Variants in ZFR2 observed in about 807,000 individuals in gnomAD.
ZFR2 encodes the protein zinc finger RNA binding protein 2, also known as zinc finger RNA-binding protein 2.
Under a neutral mutation model 105.7 loss-of-function variants are expected in ZFR2, and 104 were observed. That is an observed-to-expected ratio of 0.98 (90% CI 0.84 to 1.16). The LOEUF (loss-of-function observed/expected upper bound fraction) is 1.16, where lower values mean the gene tolerates loss of function less well. ZFR2 is among the 50% of genes most tolerant of loss of function. The pLI is 0.00. For synonymous variants in ZFR2, 634 were observed against 597.7 expected (o/e 1.06, Z -0.89); for missense variants, 1,425 against 1,355.5 (o/e 1.05, Z -0.80).
chr19:3,834,700 A>G lies in ZFR2; in HGVS notation c.264+73T>C. 2 of 1,457,032 alleles carry G rather than the reference A, an allele frequency of 1.4e-6. No individual in the cohort carries two copies. Among genetic ancestry groups the G allele is most frequent in the Non-Finnish European group, 1.9e-6 (2 of 1,059,590 alleles). The allele number at this position is 1,457,032 out of a possible 1,614,324, so 90.3% of individuals were successfully genotyped here. A position where few individuals can be genotyped will look rare whatever the true frequency, so the allele number is the denominator to read the frequency against. ...GCCTGGGAGAAGGAGTAGCTGTGGGAAGCCCACCGCTCTCACCCATGCAAG... is the reference window on the plus strand; with the variant it reads ...GCCTGGGAGAAGGAGTAGCTGTGGGGAGCCCACCGCTCTCACCCATGCAAG... On this transcript the variant is annotated intron_variant, in intron 2 of 18. Transcript: ENST00000262961. The surrounding 1 kb of genome is among the most constrained non-coding windows in gnomAD (Gnocchi z 5.3).
At chr19:3,835,089 G>T in intron 1 of ZFR2, 106 bp from the exon 2 acceptor site, 2 of 1,321,924 alleles carry the variant, frequency 1.5e-6, no homozygotes, top group Non-Finnish European at 2.1e-6. Flanking sequence ...GAGCTGCCCT[G>T]CTTGGTGGAG....
chr19:3,856,274 G>T (rs1363813396), intron 1 of ZFR2, among the ~76,000 whole-genome samples: 2 of 152,170 alleles, frequency 1.3e-5, no homozygotes, highest in African/African-American at 4.8e-5. Flanking sequence ...TGATCAGCCT[G>T]AGATGCCAGT....
At chr19:3,807,346 C>T (rs769662777) in intron 17 of ZFR2, 77 bp from the exon 18 acceptor site, 3 of 1,111,072 alleles carry the variant, frequency 2.7e-6, no homozygotes, top group Non-Finnish European at 4.0e-6. Context: ...CGTCCCTCGA[C>T]ACCGTGGGGC....
rs143449106 is a variant in ZFR2 at position 3,860,617 on chromosome 19, A to G, written c.53+8348T>C. The stretch of plus-strand genomic sequence containing the variant: ...TGGAGCTGGCTGCATGGTGAGCCCC[A>G]CCAGGCAGGTGCTTGAGAACACCAA... On this transcript the variant is annotated intron_variant, in intron 1 of 18. Transcript: ENST00000262961. Among the ~76,000 whole-genome samples, 531 of 152,314 alleles carry G rather than the reference A, an allele frequency of 3.5e-3. 2 individuals are homozygous for G. Among genetic ancestry groups the G allele is most frequent in the African/African-American group, 0.012 (518 of 41,574 alleles).
At chr19:3,856,459 G>A (rs928889179) in intron 1 of ZFR2, among the ~76,000 whole-genome samples, 22 of 152,068 alleles carry the variant, frequency 1.4e-4, no homozygotes, top group African/African-American at 3.9e-4. Context: ...ACGGTTCGGT[G>A]GCATCTAGTA....
intron 16 of ZFR2, among the ~76,000 whole-genome samples, chr19:3,810,106 G>C (rs938846721): frequency 1.3e-5 from 2 of 152,194 alleles, no homozygotes; most frequent in African/African-American, 4.8e-5. Flanking sequence ...CCACGGGCAA[G>C]ACACCACTCC....
intron 11 of ZFR2, 124 bp from the exon 12 acceptor site, chr19:3,819,359 G>C: frequency 9.5e-7 from 1 of 1,051,514 alleles, no homozygotes; most frequent in Non-Finnish European, 1.3e-6. Flanking sequence ...GCGTGGCCAG[G>C]TGAGAATCCA....
intron 3 of ZFR2, 93 bp from the exon 4 acceptor site, chr19:3,831,971 G>A (rs916726030): frequency 1.7e-5 from 19 of 1,113,820 alleles, no homozygotes; most frequent in Admixed American, 3.1e-5. Context: ...GCTGGAACAC[G>A]CTAGATGCTT....
chr19:3,863,839 C>T (rs62133049), intron 1 of ZFR2, among the ~76,000 whole-genome samples: 20,325 of 152,186 alleles, frequency 0.13, 1,706 homozygotes, highest in East Asian at 0.27. Flanking sequence ...GACCACTGGG[C>T]CCCCACGTCA....
intron 16 of ZFR2, 139 bp from the exon 17 acceptor site, chr19:3,809,122 A>G: frequency 1.7e-6 from 1 of 602,474 alleles, no homozygotes; most frequent in South Asian, 2.4e-5. Context: ...ACTTCCGCCG[A>G]GGAGGGCTGC....
intron 17 of ZFR2, among the ~76,000 whole-genome samples, chr19:3,808,050 C>T (rs1348652068): frequency 6.2e-5 from 8 of 128,038 alleles, no homozygotes; most frequent in Non-Finnish European, 1.3e-4. Context: ...TGTGCCCGTG[C>T]GTGTGCGTGC....
intron 1 of ZFR2, among the ~76,000 whole-genome samples, chr19:3,860,920 G>A (rs1389573858): frequency 1.3e-5 from 2 of 152,066 alleles, no homozygotes; most frequent in African/African-American, 4.8e-5. Context: ...CAAACCCCAG[G>A]TTCTCATGAG....
Position 3,834,657 on chromosome 19 carries a change from A to C in ZFR2, c.264+116T>G. 8.8e-7 allele frequency: 1 copy of C among 1,137,766 alleles called. No individual in the cohort carries two copies. The allele number at this position is 1,137,766 out of a possible 1,614,324, so 70.5% of individuals were successfully genotyped here. A position where few individuals can be genotyped will look rare whatever the true frequency, so the allele number is the denominator to read the frequency against. Reference sequence around the variant, plus strand: ...AATGCCAGCAGAAGGGTCCCGAAGGAAGGATCACGGTTAAGAGGCCTGGGA... The same window carrying C: ...AATGCCAGCAGAAGGGTCCCGAAGGCAGGATCACGGTTAAGAGGCCTGGGA... On this transcript the variant is annotated intron_variant, in intron 2 of 18. Transcript: ENST00000262961. This position sits in a 1 kb window ranked among gnomAD's most constrained non-coding sequence, Gnocchi z 5.3.
intron 12 of ZFR2, 131 bp downstream of exon 12, chr19:3,818,914 T>C (rs1452005503): frequency 1.7e-6 from 2 of 1,185,592 alleles, no homozygotes; most frequent in African/African-American, 3.1e-5. Context: ...CTCCTGGGGC[T>C]GGAAAGCTGC....
In ZFR2 at chr19:3,827,624, C is replaced by A. The variant is rs367929208; in HGVS notation, c.882G>T (p.Lys294Asn). 2.5e-6 allele frequency: 4 copies of A among 1,583,978 alleles called. No homozygotes were observed. The highest frequency in any genetic ancestry group is 2.6e-6 in the Non-Finnish European group (3 of 1,165,622). ...TCTGGGCCGCCTCCTTCTTTCTGTG[C>A]TTCTGCCCTCCCAGATGTTCCCGGT... The part of the protein sequence containing the change: ...QTYREHLGGQ[K>N]HRKKEAAQKT... The change falls in exon 6 of 19, where the codon AAG (lysine) becomes AAT (asparagine). Residue 294 changes from lysine to asparagine, a missense_variant. Transcript: ENST00000262961.
At chr19:3,828,301 C>A (rs1050832140) in intron 5 of ZFR2, among the ~76,000 whole-genome samples, 2 of 152,146 alleles carry the variant, frequency 1.3e-5, no homozygotes, top group Non-Finnish European at 2.9e-5. Context: ...CACACCACCA[C>A]GCGTAGCTAA....
chr19:3,817,057 G>A (rs539574053), intron 12 of ZFR2, among the ~76,000 whole-genome samples: 2 of 152,260 alleles, frequency 1.3e-5, no homozygotes, highest in South Asian at 2.1e-4. Flanking sequence ...TGCTGTCACC[G>A]GGCATGCCTC....
chr19:3,818,907 C>T (rs571090336), intron 12 of ZFR2, 138 bp downstream of exon 12: 1 of 1,099,078 alleles, frequency 9.1e-7, no homozygotes, highest in African/African-American at 1.6e-5. Flanking sequence ...CTTCCTACTC[C>T]TGGGGCTGGA....
Position 3,813,827 on chromosome 19 carries a change from T to A in ZFR2, c.2235A>T (p.Thr745=), listed in dbSNP as rs769748451. ...TSPLMREDPS[T]DPGVEEPQAD... ...GGAAGGGCTGGGCCGCACCTGGGTC[T>A]GTGGAGGGGTCCTCCCGCATCAGAG... Residue 745 remains threonine (T), a synonymous_variant, in exon 14 of 19, where the codon ACA becomes ACT. Transcript: ENST00000262961. The surrounding 1 kb of genome is among the most constrained non-coding windows in gnomAD (Gnocchi z 4.4). The A allele has an allele frequency of 4.6e-5, 74 of 1,613,636 alleles. 1 individual carries two copies. The highest frequency in any genetic ancestry group is 4.1e-4 in the South Asian group (37 of 91,086).
Sources: allele counts gnomAD v4.1 joint callset (sites outside exome capture counted in the v4.1 genomes callset), GRCh38; gene constraint gnomAD v4.1.1; non-coding constraint Gnocchi (gnomAD v3.1); transcripts MANE v1.5; gene names NCBI Gene and HGNC (gene_info 2026-07-23, HGNC 2026-07-21).